Variants in SPOCK1 observed in about 807,000 individuals in gnomAD.
SPOCK1 encodes the protein testican-1.
SPOCK1 carries 23 observed loss-of-function variants against 55.3 expected under a neutral mutation model. The observed-to-expected ratio is 0.42, with a 90% CI of 0.30 to 0.59. The LOEUF (loss-of-function observed/expected upper bound fraction) is 0.59. Among genes scored for constraint, SPOCK1 ranks in the 20% least tolerant of loss-of-function variants. The probability of loss-of-function intolerance (pLI) is 0.22; values close to 1 mark genes in which losing one functional copy is unlikely to be tolerated. For synonymous variants in SPOCK1, 226 were observed against 221.0 expected, an observed-to-expected ratio of 1.02 and a Z score of -0.20; for missense variants, 499 against 552.5, an observed-to-expected ratio of 0.90 and a Z score of 0.97.
intron 5 of SPOCK1, among the ~76,000 whole-genome samples, chr5:137,077,391 G>C (rs941323490): frequency 6.6e-6 from 1 of 152,256 alleles, no homozygotes; most frequent in Non-Finnish European, 1.5e-5. Context: ...GAAAGGGAGA[G>C]AGAACAGGAG....
intron 3 of SPOCK1, among the ~76,000 whole-genome samples, chr5:137,165,323 G>T (rs1400478283): frequency 8.2e-6 from 1 of 121,292 alleles, no homozygotes; most frequent in Admixed American, 8.4e-5. Context: ...CATCAAGGTG[G>T]TACTTCTATC....
rs116450302 is a variant in SPOCK1, at chr5:137,214,150, A to G, written c.232+52860T>C. ...ATAGTTAACAAAATTACTATTACTT[A>G]CTGCTATGAACCAGACATTGTATTA... On this transcript the variant is annotated intron_variant, in intron 3 of 10. Transcript: ENST00000394945. Among the ~76,000 whole-genome samples, 536 of 152,328 alleles carry G rather than the reference A, an allele frequency of 3.5e-3. 2 individuals are homozygous for G. Among genetic ancestry groups the G allele is most frequent in the African/African-American group, 0.013 (523 of 41,576 alleles).
intron 3 of SPOCK1, among the ~76,000 whole-genome samples, chr5:137,238,570 A>G (rs1161859265): frequency 2.0e-5 from 3 of 152,254 alleles, no homozygotes; most frequent in Non-Finnish European, 4.4e-5. Flanking sequence ...AATAGAGTTT[A>G]CACAAGAAAG....
intron 2 of SPOCK1, among the ~76,000 whole-genome samples, chr5:137,385,597 T>G (rs1400339570): frequency 6.6e-6 from 1 of 152,192 alleles, no homozygotes; most frequent in African/African-American, 2.4e-5. Flanking sequence ...CAGCCACTCC[T>G]CCTCACAGTC....
At chr5:137,234,016 C>T (rs919445057) in intron 3 of SPOCK1, among the ~76,000 whole-genome samples, 6 of 152,082 alleles carry the variant, frequency 3.9e-5, no homozygotes, top group African/African-American at 1.4e-4. Context: ...TCTAGTGTCA[C>T]CTGGCTGGAA....
At chr5:137,127,957 T>C (rs1428108164) in intron 4 of SPOCK1, among the ~76,000 whole-genome samples, 2 of 152,224 alleles carry the variant, frequency 1.3e-5, no homozygotes, top group African/African-American at 4.8e-5. Flanking sequence ...ATGAATTTAA[T>C]GGGCGTCAGA....
intron 5 of SPOCK1, among the ~76,000 whole-genome samples, chr5:137,094,730 T>G (rs1425244970): frequency 6.6e-6 from 1 of 152,128 alleles, no homozygotes; most frequent in Non-Finnish European, 1.5e-5. Flanking sequence ...GACAATAAAG[T>G]TTGCTGAATT....
At chr5:137,475,242 C>T (rs1396676847) in intron 2 of SPOCK1, among the ~76,000 whole-genome samples, 3 of 152,160 alleles carry the variant, frequency 2.0e-5, no homozygotes, top group Non-Finnish European at 4.4e-5. Flanking sequence ...TGACATTCAA[C>T]AGGACAACCT....
intron 3 of SPOCK1, among the ~76,000 whole-genome samples, chr5:137,196,228 G>A (rs1021119896): frequency 6.6e-6 from 1 of 152,006 alleles, no homozygotes; most frequent in African/African-American, 2.4e-5. Flanking sequence ...CTAATGTACA[G>A]CAACAGTCTC....
intron 4 of SPOCK1, among the ~76,000 whole-genome samples, chr5:137,138,178 C>A (rs977923107): frequency 5.3e-4 from 80 of 152,310 alleles, no homozygotes; most frequent in African/African-American, 1.9e-3. Flanking sequence ...AATAGCCAAC[C>A]TGGGAATTGA....
chr5:137,266,366 T>C (rs1390178388), intron 3 of SPOCK1, among the ~76,000 whole-genome samples: 1 of 152,188 alleles, frequency 6.6e-6, no homozygotes, highest in African/African-American at 2.4e-5. Context: ...ATGTGATTCA[T>C]GGCAGGTCCT....
intron 3 of SPOCK1, among the ~76,000 whole-genome samples, chr5:137,261,892 C>G (rs1371669735): frequency 1.3e-5 from 2 of 152,122 alleles, no homozygotes; most frequent in South Asian, 2.1e-4. Context: ...CTGAGTGCAC[C>G]CTGGCTCCAG....
intron 5 of SPOCK1, among the ~76,000 whole-genome samples, chr5:137,106,654 A>C (rs1753375496): frequency 6.6e-6 from 1 of 152,066 alleles, no homozygotes; most frequent in Non-Finnish European, 1.5e-5. Context: ...CCCTCACACC[A>C]GGCCCAGATG....
At chr5:137,478,741 C>T (rs925344159) in intron 2 of SPOCK1, among the ~76,000 whole-genome samples, 1 of 152,076 alleles carries the variant, frequency 6.6e-6, no homozygotes, top group Non-Finnish European at 1.5e-5. Flanking sequence ...ATACCAGACT[C>T]TATTGTTTAA....
intron 2 of SPOCK1, among the ~76,000 whole-genome samples, chr5:137,440,590 T>C (rs1752979648): frequency 6.6e-6 from 1 of 152,362 alleles, no homozygotes; most frequent in African/African-American, 2.4e-5. Flanking sequence ...GGTATAACTG[T>C]ACCTTTGCTA....
chr5:137,028,022 C>T (rs1751709111), intron 6 of SPOCK1, among the ~76,000 whole-genome samples: 1 of 152,172 alleles, frequency 6.6e-6, no homozygotes, highest in South Asian at 2.1e-4. Context: ...CCTCTCCCAT[C>T]CCCCCTCCAA....
intron 6 of SPOCK1, among the ~76,000 whole-genome samples, chr5:136,998,806 G>A (rs1444534331): frequency 6.6e-6 from 1 of 152,236 alleles, no homozygotes; most frequent in Non-Finnish European, 1.5e-5. Flanking sequence ...TTAGAGAAAG[G>A]TATAGTGCCA....
chr5:136,986,423 G>A (rs1321182459), intron 8 of SPOCK1, among the ~76,000 whole-genome samples: 1 of 152,086 alleles, frequency 6.6e-6, no homozygotes, highest in African/African-American at 2.4e-5. Flanking sequence ...TCTTAATGCT[G>A]AGAATCACTA....
rs796545157 is a variant in SPOCK1, at chr5:137,402,970, C to T, written c.186+95403G>A. Among the ~76,000 whole-genome samples the T allele has an allele frequency of 5.3e-5, 8 of 152,264 alleles. No homozygotes were observed. In the East Asian group the frequency reaches 1.5e-3, roughly 29 times the overall value. Reference sequence around the variant, plus strand: ...TCAGAGAATTCTCCAAAACAACAGGCTCATCTCATAGATGGTAAAACTGAT... The same window carrying T: ...TCAGAGAATTCTCCAAAACAACAGGTTCATCTCATAGATGGTAAAACTGAT... On this transcript the variant is annotated intron_variant, in intron 2 of 10. Coordinates refer to ENST00000394945, the MANE Select transcript of SPOCK1 (RefSeq NM_004598.4).
Sources: allele counts gnomAD v4.1 joint callset (sites outside exome capture counted in the v4.1 genomes callset), GRCh38; gene constraint gnomAD v4.1.1; transcripts MANE v1.5; gene names NCBI Gene and HGNC (gene_info 2026-07-23, HGNC 2026-07-21).